ERBB4: variants seen among roughly 807,000 people sequenced by gnomAD.
The protein encoded by ERBB4 is receptor tyrosine-protein kinase erbB-4.
A neutral mutation model predicts 158.0 loss-of-function variants in ERBB4; 42 were observed. The observed-to-expected ratio is 0.27, with a 90% CI of 0.21 to 0.34. ERBB4 has a LOEUF of 0.34. ERBB4 is among the 10% of genes least tolerant of loss of function. The pLI is 1.00. For synonymous variants in ERBB4, 583 were observed against 558.7 expected, an observed-to-expected ratio of 1.04 and a Z score of -0.61; for missense variants, 1,333 against 1,624.1, an observed-to-expected ratio of 0.82 and a Z score of 3.08.
At chr2:212,434,895 C>T (rs1313917139) in intron 1 of ERBB4, among the ~76,000 whole-genome samples, 2 of 151,872 alleles carry the variant, frequency 1.3e-5, no homozygotes, top group African/African-American at 4.8e-5. Context: ...TCAACATTTT[C>T]CATCTTTTAT....
intron 1 of ERBB4, among the ~76,000 whole-genome samples, chr2:212,363,337 A>G (rs1328649889): frequency 6.6e-6 from 1 of 151,446 alleles, no homozygotes; most frequent in Non-Finnish European, 1.5e-5. Flanking sequence ...GAAAATAAGT[A>G]GGCTTTTAAC....
At chr2:212,008,893 T>A (rs1194918488) in intron 2 of ERBB4, among the ~76,000 whole-genome samples, 2 of 152,122 alleles carry the variant, frequency 1.3e-5, no homozygotes, top group African/African-American at 4.8e-5. Flanking sequence ...CTGCTCTGAC[T>A]TAGAGAACAA....
chr2:211,588,433 T>TA (rs1316408171), intron 19 of ERBB4, among the ~76,000 whole-genome samples: 1 of 152,158 alleles, frequency 6.6e-6, no homozygotes, highest in Non-Finnish European at 1.5e-5. Flanking sequence ...CCAATTTAAA[T>TA]AGACAATCTA....
chr2:212,490,060 C>T (rs2106196180), intron 1 of ERBB4, among the ~76,000 whole-genome samples: 1 of 151,984 alleles, frequency 6.6e-6, no homozygotes, highest in Non-Finnish European at 1.5e-5. Context: ...TTACCACTAC[C>T]TAGAATGATC....
chr2:212,234,610 C>T (rs1030534005), intron 1 of ERBB4, among the ~76,000 whole-genome samples: 19 of 152,060 alleles, frequency 1.2e-4, no homozygotes, highest in African/African-American at 3.9e-4. Context: ...AGCGTAAAAG[C>T]GTTCGTATTT....
At chr2:211,711,968 G>T in intron 9 of ERBB4, 82 bp downstream of exon 9, 1 of 1,204,846 alleles carries the variant, frequency 8.3e-7, no homozygotes, top group Non-Finnish European at 1.2e-6. Flanking sequence ...GCTTCCAGAG[G>T]AATCAAATAA....
rs1342844516 is a variant in ERBB4, at chr2:211,772,952, TATA to T, written c.556+15070_556+15072del. 1.2e-3 allele frequency among the ~76,000 whole-genome samples: 88 copies of T among 72,202 alleles called. 10 individuals carry two copies. Among genetic ancestry groups the T allele is most frequent in the East Asian group, 5.0e-3 (11 of 2,198 alleles). 47.4% of individuals were successfully genotyped at this position (72,202 alleles called of 152,430 possible). A position where few individuals can be genotyped will look rare whatever the true frequency, so the allele number is the denominator to read the frequency against. On this transcript the variant is annotated intron_variant, in intron 4 of 27. Coordinates refer to ENST00000342788, the MANE Select transcript of ERBB4 (RefSeq NM_005235.3). ...ATATATATATATATATATATATATA[TATA>T]TTTTTTTTTTTAAAGATGGGGTCCT...
intron 3 of ERBB4, among the ~76,000 whole-genome samples, chr2:211,798,510 T>C (rs1287255819): frequency 2.6e-5 from 4 of 152,144 alleles, no homozygotes; most frequent in Non-Finnish European, 5.9e-5. Context: ...AATCTTTACT[T>C]TGTTGGGTTA....
At chr2:211,657,903 A>T in intron 15 of ERBB4, 75 bp from the exon 16 acceptor site, 1 of 1,599,150 alleles carries the variant, frequency 6.3e-7, no homozygotes, top group African/African-American at 1.3e-5. Flanking sequence ...CAGTGCTCAC[A>T]CATGGAGCCT....
chr2:212,460,483 A>G (rs1320481119), intron 1 of ERBB4, among the ~76,000 whole-genome samples: 1 of 152,152 alleles, frequency 6.6e-6, no homozygotes, highest in Non-Finnish European at 1.5e-5. Flanking sequence ...GTGGTCTCAG[A>G]TGGAGATGAG....
chr2:211,729,702 A>G (rs1310217871), intron 5 of ERBB4, among the ~76,000 whole-genome samples: 1 of 151,896 alleles, frequency 6.6e-6, no homozygotes, highest in African/African-American at 2.4e-5. Context: ...TGGGGACACA[A>G]AACAAAAAAT....
At chr2:211,857,013 A>G (rs2077884517) in intron 3 of ERBB4, among the ~76,000 whole-genome samples, 1 of 152,132 alleles carries the variant, frequency 6.6e-6, no homozygotes, top group Non-Finnish European at 1.5e-5. Flanking sequence ...ATATAATTGT[A>G]TGTTATAATA....
chr2:211,808,797 A>G (rs2076680554), intron 3 of ERBB4, among the ~76,000 whole-genome samples: 1 of 152,012 alleles, frequency 6.6e-6, no homozygotes, highest in African/African-American at 2.4e-5. Flanking sequence ...ATCCTCTTTT[A>G]TTTCATTGAG....
rs79954950 is a variant in ERBB4 at position 211,924,403 on chromosome 2, C to T, written c.421+23027G>A. On this transcript the variant is annotated intron_variant, in intron 3 of 27. Coordinates refer to ENST00000342788, the MANE Select transcript of ERBB4 (RefSeq NM_005235.3). ...ATTTGGGTGATGGGTGCCCTAAAAGCCCAGACTTCACCACTAAGCAACATA... is the reference window on the plus strand; with the variant it reads ...ATTTGGGTGATGGGTGCCCTAAAAGTCCAGACTTCACCACTAAGCAACATA... 2.9e-3 allele frequency among the ~76,000 whole-genome samples: 447 copies of T among 152,120 alleles called. 1 individual carries two copies. The highest frequency in any genetic ancestry group is 0.01 in the African/African-American group (427 of 41,496).
chr2:212,233,963 T>TTTATTA (rs60130196), intron 1 of ERBB4, among the ~76,000 whole-genome samples: 1,727 of 143,782 alleles, frequency 0.012, 16 homozygotes, highest in Middle Eastern at 0.018. Flanking sequence ...CTTTGCATTA[T>TTTATTA]TTATTATTAT....
chr2:211,549,927 C>G (rs978384754), intron 20 of ERBB4, among the ~76,000 whole-genome samples: 2 of 152,074 alleles, frequency 1.3e-5, no homozygotes, highest in African/African-American at 4.8e-5. Context: ...CTAGAAAGAA[C>G]CCTGTCGGGA....
At position 211,384,182 on chromosome 2, in the gene ERBB4, G is replaced by A. The variant is rs996645548; in HGVS notation, c.3482-122C>T. 7.1e-6 allele frequency: 5 copies of A among 707,890 alleles called. No individual in the cohort carries two copies. The African/African-American group carries it at 9.0e-5, about 13-fold the overall frequency. The allele number at this position is 707,890 out of a possible 1,614,324, so 43.9% of individuals were successfully genotyped here. A position where few individuals can be genotyped will look rare whatever the true frequency, so the allele number is the denominator to read the frequency against. Reference sequence around the variant, plus strand: ...AAAAAACCCACAGATTTGTTTTCATGATTTCTCACAACAAGTATTTGTGGA... The same window carrying A: ...AAAAAACCCACAGATTTGTTTTCATAATTTCTCACAACAAGTATTTGTGGA... On this transcript the variant is annotated intron_variant, in intron 27 of 27. Transcript: ENST00000342788.
At chr2:212,231,720 T>C (rs1559801767) in intron 1 of ERBB4, among the ~76,000 whole-genome samples, 1 of 152,314 alleles carries the variant, frequency 6.6e-6, no homozygotes, top group African/African-American at 2.4e-5. Context: ...TGTTTTTTTA[T>C]CCCTATAGTT....
chr2:211,497,538 T>C (rs10932377), intron 20 of ERBB4, among the ~76,000 whole-genome samples: 66,998 of 151,832 alleles, frequency 0.44, 16,093 homozygotes, highest in African/African-American at 0.64. Flanking sequence ...AGGGCATCAC[T>C]TACTTCAACA....
Sources: allele counts gnomAD v4.1 joint callset (sites outside exome capture counted in the v4.1 genomes callset), GRCh38; gene constraint gnomAD v4.1.1; transcripts MANE v1.5; gene names NCBI Gene and HGNC (gene_info 2026-07-23, HGNC 2026-07-21).